Variants in PCDHA5 observed in about 807,000 individuals in gnomAD.
PCDHA5 encodes protocadherin alpha-5.
In PCDHA5, 43 loss-of-function variants were observed where a neutral mutation model predicts 61.6. That is an observed-to-expected ratio of 0.70 (90% CI 0.55 to 0.90). The LOEUF is 0.90. Ranked by LOEUF, PCDHA5 falls within the 40% of genes least tolerant of loss-of-function variation. The probability of loss-of-function intolerance (pLI) is 0.00; values close to 1 mark genes in which losing one functional copy is unlikely to be tolerated. For synonymous variants in PCDHA5, 627 were observed against 543.9 expected, an observed-to-expected ratio of 1.15 and a Z score of -2.13; for missense variants, 1,298 against 1,222.7, an observed-to-expected ratio of 1.06 and a Z score of -0.92.
At position 140,941,253 on chromosome 5, in the gene PCDHA5, TTC is replaced by T. The variant is rs371538795; in HGVS notation, c.2353-37692_2353-37691del. 4.9e-3 allele frequency among the ~76,000 whole-genome samples: 316 copies of T among 64,734 alleles called. 2 individuals carry two copies. The highest frequency in any genetic ancestry group is 6.9e-3 in the Admixed American group (39 of 5,692). 42.5% of individuals were successfully genotyped at this position (64,734 alleles called of 152,430 possible). On this transcript the variant is annotated intron_variant, in intron 1 of 3. Coordinates refer to ENST00000529859, the MANE Select transcript of PCDHA5 (RefSeq NM_018908.3). ...TTTCTTTCTTTCTTTCTTTCTTTCT[TTC>T]TCTTTCTTTCTTTCTTTCCTTCCTT...
chr5:140,849,804 G>A, intron 1 of PCDHA5: 2 of 1,598,448 alleles, frequency 1.3e-6, no homozygotes, highest in South Asian at 1.1e-5. Flanking sequence ...TTCACTGTGG[G>A]CCACGGCCAG....
At position 140,884,470 on chromosome 5, in the gene PCDHA5, G is replaced by A. The variant is rs1453696477; in HGVS notation, c.2352+60343G>A. The A allele has an allele frequency of 2.5e-6, 4 of 1,613,644 alleles. No homozygotes were observed. Among genetic ancestry groups the A allele is most frequent in the South Asian group, 2.2e-5 (2 of 91,036 alleles). On this transcript the variant is annotated intron_variant, in intron 1 of 3. Coordinates refer to ENST00000529859, the MANE Select transcript of PCDHA5 (RefSeq NM_018908.3). The stretch of plus-strand genomic sequence containing the variant: ...CGCCCACCGAGGGCGCGTGCGCGCC[G>A]GGCAAGCCCACTCTAGTGTGCTCCA...
At chr5:140,877,681 C>T (rs1554169975) in intron 1 of PCDHA5, 2 of 1,613,678 alleles carry the variant, frequency 1.2e-6, no homozygotes, top group Non-Finnish European at 1.7e-6. Context: ...GCCGGGCAAG[C>T]CCACGCTGGT....
At chr5:140,840,282 G>T (rs1294599981) in intron 1 of PCDHA5, among the ~76,000 whole-genome samples, 1 of 151,906 alleles carries the variant, frequency 6.6e-6, no homozygotes, top group Non-Finnish European at 1.5e-5. Context: ...TGGGTTTTGG[G>T]TGATTATTGA....
At chr5:140,835,998 G>C in intron 1 of PCDHA5, 1 of 1,613,382 alleles carries the variant, frequency 6.2e-7, no homozygotes, top group African/African-American at 1.3e-5. Flanking sequence ...GAGCGCGCGC[G>C]ATGCGGGCGT....
intron 1 of PCDHA5, chr5:140,930,231 A>C (rs1234850185): frequency 6.6e-6 from 1 of 152,238 alleles, no homozygotes; most frequent in South Asian, 2.1e-4. Context: ...TGCACTTACC[A>C]TCCAAAGTCC....
At chr5:140,995,082 C>G (rs145784301) in intron 3 of PCDHA5, among the ~76,000 whole-genome samples, 5 of 152,334 alleles carry the variant, frequency 3.3e-5, no homozygotes, top group Admixed American at 3.3e-4. Context: ...GCAATCCAAA[C>G]TTATCTGTGG....
At chr5:140,917,335 G>GGGGGGGGGGT in intron 1 of PCDHA5, among the ~76,000 whole-genome samples, 2 of 146,518 alleles carry the variant, frequency 1.4e-5, no homozygotes, top group Non-Finnish European at 3.1e-5. Flanking sequence ...GGGGGAGGGG[G>GGGGGGGGGGT]GGGATGGTGT....
chr5:140,822,363 G>A lies in PCDHA5; in HGVS notation c.588G>A (p.Arg196=). Residue 196 remains arginine, a synonymous_variant, in exon 1 of 4, where the codon AGG becomes AGA. Transcript: ENST00000529859. ...CGAACTTTTTAGAGCTGGTTTTGAG[G>A]AAATCCTTAGATAGAGAAGAAACAC... ...EETNFLELVL[R]KSLDREETQE... The A allele has an allele frequency of 6.2e-7, 1 of 1,614,118 alleles. No individual in the cohort carries two copies. The highest frequency in any genetic ancestry group is 1.1e-5 in the South Asian group (1 of 91,088).
At chr5:140,848,315 C>A (rs1347571265) in intron 1 of PCDHA5, 1 of 741,172 alleles carries the variant, frequency 1.3e-6, no homozygotes. Flanking sequence ...CTCTTTGCCG[C>A]GATGTTCTCT....
At chr5:140,882,551 C>A in intron 1 of PCDHA5, 1 of 1,614,216 alleles carries the variant, frequency 6.2e-7, no homozygotes, top group Non-Finnish European at 8.5e-7. Flanking sequence ...CCGCGAGGAG[C>A]TGTGTGGGCG....
chr5:140,844,542 G>T (rs1779426877), intron 1 of PCDHA5, among the ~76,000 whole-genome samples: 1 of 149,020 alleles, frequency 6.7e-6, no homozygotes, highest in Admixed American at 6.7e-5. Flanking sequence ...TCAACCCTTT[G>T]TTCATGAGTT....
In PCDHA5 at chr5:140,829,498, G is replaced by A. The variant is rs143385612; in HGVS notation, c.2352+5371G>A. On this transcript the variant is annotated intron_variant, in intron 1 of 3. Transcript: ENST00000529859. ...CAGTGTTCGTGAAGGAGAACAACCC[G>A]CCGGGCTGCCACATCTTCACGGTGT... is the stretch of plus-strand genomic sequence containing the variant. The A allele has an allele frequency of 5.0e-6, 8 of 1,613,570 alleles. No individual in the cohort carries two copies. In the African/African-American group the frequency reaches 6.7e-5, roughly 13 times the overall value.
chr5:141,006,974 G>A (rs782657772), intron 3 of PCDHA5, among the ~76,000 whole-genome samples: 6 of 152,174 alleles, frequency 3.9e-5, no homozygotes, highest in Admixed American at 3.9e-4. Context: ...GGAGCACAGA[G>A]AGATGTGGGC....
chr5:140,959,413 T>G (rs1328731924), intron 1 of PCDHA5, among the ~76,000 whole-genome samples: 1 of 152,152 alleles, frequency 6.6e-6, no homozygotes, highest in Admixed American at 6.6e-5. Context: ...TGTTGATTGA[T>G]CTGAGAATTT....
rs781982439 is a variant in PCDHA5, at chr5:140,967,345, C to G, written c.2353-11604C>G. 3 of 1,607,752 alleles carry G rather than the reference C, an allele frequency of 1.9e-6. No homozygotes were observed. The South Asian group carries it at 3.3e-5, about 18-fold the overall frequency. On this transcript the variant is annotated intron_variant, in intron 1 of 3. Coordinates refer to ENST00000529859, the MANE Select transcript of PCDHA5 (RefSeq NM_018908.3). ...ACGAGCTCAGCCCCAGCGAGCACTT[C>G]GAGCTGGACCTTAAGCCCCTGCAGG...
At chr5:141,005,796 AAC>A (rs2098240426) in intron 3 of PCDHA5, among the ~76,000 whole-genome samples, 1 of 151,400 alleles carries the variant, frequency 6.6e-6, no homozygotes, top group Admixed American at 6.6e-5. Flanking sequence ...AGGCAAAAAC[AAC>A]TCCAAGGAGC....
chr5:140,928,733 A>G (rs1435823697), intron 1 of PCDHA5: 2 of 1,614,100 alleles, frequency 1.2e-6, no homozygotes, highest in Non-Finnish European at 1.7e-6. Context: ...ATTTCAGCCA[A>G]TATAGGTGAG....
chr5:140,980,978 C>T (rs1482749121), intron 2 of PCDHA5, among the ~76,000 whole-genome samples: 1 of 152,032 alleles, frequency 6.6e-6, no homozygotes, highest in South Asian at 2.1e-4. Flanking sequence ...TCTGACTGAG[C>T]CCACACAATT....
Sources: gnomAD v4.1 joint callset for allele counts (sites outside exome capture counted in the v4.1 genomes callset) on GRCh38, gnomAD v4.1.1 for gene constraint, MANE v1.5 for transcripts, NCBI Gene and HGNC (gene_info 2026-07-23, HGNC 2026-07-21) for gene names.